The following AGBL3 variants were observed in gnomAD, a reference collection of about 807,000 sequenced individuals.
AGBL3 encodes AGBL carboxypeptidase 3.
Under a neutral mutation model 94.5 loss-of-function variants are expected in AGBL3, and 68 were observed. The observed-to-expected ratio is 0.72, with a 90% CI of 0.59 to 0.88. AGBL3 has a LOEUF of 0.88. AGBL3 is among the 40% of genes least tolerant of loss of function. The pLI, the probability that AGBL3 is intolerant of heterozygous loss-of-function variation, is 0.00. For missense variants in AGBL3, 934 were observed against 1,103.8 expected, an observed-to-expected ratio of 0.85 and a Z score of 2.18; for synonymous variants, 354 against 370.7, an observed-to-expected ratio of 0.95 and a Z score of 0.52.
intron 4 of AGBL3, among the ~76,000 whole-genome samples, chr7:134,999,815 C>A (rs1242673213): frequency 2.6e-5 from 4 of 152,232 alleles, no homozygotes; most frequent in Non-Finnish European, 5.9e-5. Context: ...ATAGTTCAGC[C>A]TGAGCAGATT....
At chr7:135,042,429 A>G (rs2116534117) in intron 8 of AGBL3, among the ~76,000 whole-genome samples, 1 of 152,340 alleles carries the variant, frequency 6.6e-6, no homozygotes, top group East Asian at 1.9e-4. Flanking sequence ...AAAAGATTAC[A>G]TTCTATATGA....
intron 8 of AGBL3, among the ~76,000 whole-genome samples, chr7:135,041,873 T>C (rs908816273): frequency 5.9e-5 from 9 of 152,130 alleles, no homozygotes; most frequent in Admixed American, 2.6e-4. Context: ...TAATCTTAAA[T>C]ACACACATTT....
At chr7:135,046,503 C>T (rs1387950520) in intron 11 of AGBL3, among the ~76,000 whole-genome samples, 2 of 152,090 alleles carry the variant, frequency 1.3e-5, no homozygotes, top group African/African-American at 4.8e-5. Flanking sequence ...CCCCTGGAAA[C>T]CACAGATATT....
intron 12 of AGBL3, among the ~76,000 whole-genome samples, chr7:135,067,209 A>C (rs923398440): frequency 6.6e-6 from 1 of 152,224 alleles, no homozygotes; most frequent in African/African-American, 2.4e-5. Flanking sequence ...ACCATTGCCG[A>C]GGCTTGAGTA....
In AGBL3 at chr7:135,102,980, TG is replaced by T. The variant is rs1460491865; in HGVS notation, c.2111-12397del. ...ACACTGTTAAGAAAATTAAAATGCA[TG>T]GGACATATTGGAAAAAAATTACCAA... On this transcript the variant is annotated intron_variant, in intron 15 of 16. Transcript: ENST00000436302. 3.3e-5 allele frequency among the ~76,000 whole-genome samples: 5 copies of T among 152,158 alleles called. No individual in the cohort carries two copies. In the East Asian group the frequency reaches 9.6e-4, roughly 29 times the overall value.
At chr7:135,023,026 T>C (rs1814683073) in intron 5 of AGBL3, among the ~76,000 whole-genome samples, 2 of 152,210 alleles carry the variant, frequency 1.3e-5, no homozygotes, top group African/African-American at 4.8e-5. Context: ...GCCCTAGGTT[T>C]TTTTGTATGT....
intron 12 of AGBL3, among the ~76,000 whole-genome samples, chr7:135,062,695 G>A (rs1818946034): frequency 6.6e-6 from 1 of 152,100 alleles, no homozygotes; most frequent in African/African-American, 2.4e-5. Context: ...AACCATCCCT[G>A]TATTCCTGGG....
chr7:135,043,144 T>C (rs1052274498), intron 8 of AGBL3, among the ~76,000 whole-genome samples: 1 of 152,136 alleles, frequency 6.6e-6, no homozygotes, highest in African/African-American at 2.4e-5. Context: ...TTTTTAAAAG[T>C]ATAAAATTTT....
At chr7:135,084,726 T>C (rs1821193937) in intron 15 of AGBL3, among the ~76,000 whole-genome samples, 1 of 152,190 alleles carries the variant, frequency 6.6e-6, no homozygotes, top group African/African-American at 2.4e-5. Context: ...TACCATATTT[T>C]CTTTATCATT....
chr7:135,035,712 C>G (rs1384384225), intron 7 of AGBL3, among the ~76,000 whole-genome samples: 2 of 152,210 alleles, frequency 1.3e-5, no homozygotes, highest in Middle Eastern at 3.4e-3. Context: ...CCCTAATATC[C>G]TGTTTCACTT....
rs1233543211 is a variant in AGBL3, at chr7:134,987,825, T to A, written c.-59-50T>A. 10 of 739,118 alleles carry A rather than the reference T, an allele frequency of 1.4e-5. No individual in the cohort carries two copies. In the East Asian group the frequency reaches 2.8e-4, roughly 21 times the overall value. The allele number at this position is 739,118 out of a possible 1,614,324, so 45.8% of individuals were successfully genotyped here. A position where few individuals can be genotyped will look rare whatever the true frequency, so the allele number is the denominator to read the frequency against. On this transcript the variant is annotated intron_variant, in intron 1 of 16. Coordinates refer to ENST00000436302, the MANE Select transcript of AGBL3 (RefSeq NM_178563.4). ...TATATTTTTGAGTACTCATTTAATG[T>A]AGTAAACACCTACAGCTTGAAAAGA...
chr7:135,112,029 T>C (rs770659393), intron 15 of AGBL3, among the ~76,000 whole-genome samples: 3 of 152,166 alleles, frequency 2.0e-5, no homozygotes, highest in Non-Finnish European at 2.9e-5. Context: ...CATCCAGTTA[T>C]CTAAGTAATA....
chr7:135,024,492 A>G (rs965649310), intron 5 of AGBL3, among the ~76,000 whole-genome samples: 4 of 152,346 alleles, frequency 2.6e-5, no homozygotes, highest in African/African-American at 9.6e-5. Flanking sequence ...AATGAAGCCA[A>G]CTGACTATAC....
intron 12 of AGBL3, among the ~76,000 whole-genome samples, chr7:135,069,968 A>G (rs1428480795): frequency 5.3e-5 from 8 of 152,238 alleles, no homozygotes; most frequent in Non-Finnish European, 1.2e-4. Context: ...CAAAATTGAT[A>G]GACTGCTAGC....
intron 15 of AGBL3, among the ~76,000 whole-genome samples, chr7:135,090,063 C>T (rs368182621): frequency 5.9e-5 from 9 of 152,114 alleles, no homozygotes; most frequent in African/African-American, 1.2e-4. Flanking sequence ...GAGGAAGGAG[C>T]GCTCTGGAAG....
At chr7:135,118,456 G>A (rs150164781) in intron 16 of AGBL3, among the ~76,000 whole-genome samples, 2 of 152,200 alleles carry the variant, frequency 1.3e-5, no homozygotes, top group African/African-American at 4.8e-5. Flanking sequence ...TGGTGTCAAT[G>A]GGGTCCAGAT....
intron 4 of AGBL3, 150 bp from the exon 5 acceptor site, chr7:135,016,902 T>A: frequency 1.6e-6 from 1 of 613,462 alleles, no homozygotes; most frequent in East Asian, 2.9e-5. Context: ...CAATATTCAT[T>A]ATTCCAATGA....
At chr7:135,066,622 C>A (rs1214191133) in intron 12 of AGBL3, among the ~76,000 whole-genome samples, 2 of 152,160 alleles carry the variant, frequency 1.3e-5, no homozygotes, top group Admixed American at 1.3e-4. Context: ...TGGTATTTAT[C>A]CAAAAGAATG....
intron 11 of AGBL3, among the ~76,000 whole-genome samples, chr7:135,048,265 T>C (rs1474294558): frequency 1.3e-5 from 2 of 151,964 alleles, no homozygotes; most frequent in Non-Finnish European, 2.9e-5. Flanking sequence ...AATATTAATT[T>C]GAAATCAGAG....
Sources: allele counts gnomAD v4.1 joint callset (sites outside exome capture counted in the v4.1 genomes callset), GRCh38; gene constraint gnomAD v4.1.1; transcripts MANE v1.5; gene names NCBI Gene and HGNC (gene_info 2026-07-23, HGNC 2026-07-21).